Variants in ZNF717 observed in about 807,000 individuals in gnomAD.
ZNF717 encodes krueppel-like factor X17.
Under a neutral mutation model 13.8 loss-of-function variants are expected in ZNF717, and 9 were observed. That is an observed-to-expected ratio of 0.65 (90% CI 0.39 to 1.14). The LOEUF is 1.14. Among genes scored for constraint, ZNF717 ranks in the 50% most tolerant of loss-of-function variants. ZNF717 has a pLI of 0.01. For missense variants in ZNF717, 1,040 were observed against 1,080.7 expected (o/e 0.96, Z 0.53); for synonymous variants, 327 against 364.1 (o/e 0.90, Z 1.16).
intron 6 of ZNF717, among the ~76,000 whole-genome samples, chr3:75,695,545 A>G (rs1227082145): frequency 1.3e-5 from 2 of 152,304 alleles, no homozygotes; most frequent in Non-Finnish European, 2.9e-5. Flanking sequence ...TCCTCAGCAC[A>G]TGGGTTATTC....
At chr3:75,733,533 C>T (rs1481336991), downstream of ZNF717, among the ~76,000 whole-genome samples, 3 of 152,074 alleles carry the variant, frequency 2.0e-5, no homozygotes, top group Admixed American at 1.3e-4. Context: ...AATCCCAGTA[C>T]TTTGGGAGGC....
exon 6 of ZNF717, chr3:75,730,608 A>G (rs1669377130): frequency 7.1e-6 from 5 of 702,354 alleles, no homozygotes; most frequent in Non-Finnish European, 1.3e-5. Context: ...AGTTCACAAG[A>G]GAGATCAAAC....
At chr3:75,699,596 T>G (rs1937645683) in intron 6 of ZNF717, among the ~76,000 whole-genome samples, 2 of 152,380 alleles carry the variant, frequency 1.3e-5, no homozygotes, top group African/African-American at 4.8e-5. Flanking sequence ...AAGCACCAGA[T>G]TTATTTTTCA....
chr3:75,769,751 T>C (rs1559672117), intron 2 of ZNF717, among the ~76,000 whole-genome samples: 1 of 152,252 alleles, frequency 6.6e-6, no homozygotes, highest in Non-Finnish European at 1.5e-5. Flanking sequence ...AGAAATCAAC[T>C]AGTTTTAGTC....
At chr3:75,733,960 A>G (rs1370150985), downstream of ZNF717, among the ~76,000 whole-genome samples, 11 of 151,164 alleles carry the variant, frequency 7.3e-5, no homozygotes, top group Non-Finnish European at 1.6e-4. Flanking sequence ...TGGACAAACA[A>G]AAGTTGAGGA....
chr3:75,735,635 TAAA>T (rs149366090), downstream of ZNF717, among the ~76,000 whole-genome samples: 42 of 79,834 alleles, frequency 5.3e-4, no homozygotes, highest in African/African-American at 2.2e-3. Context: ...ACTGTCTCAA[TAAA>T]AAAAAAAAAA....
downstream of ZNF717, among the ~76,000 whole-genome samples, chr3:75,734,779 A>G (rs1479635710): frequency 1.4e-5 from 2 of 145,968 alleles, no homozygotes; most frequent in Non-Finnish European, 3.0e-5. Context: ...TTTGTATATA[A>G]TAACAATGTA....
intron 2 of ZNF717, among the ~76,000 whole-genome samples, chr3:75,760,840 AG>A (rs1243771299): frequency 1.3e-5 from 2 of 151,990 alleles, no homozygotes; most frequent in Admixed American, 6.6e-5. Flanking sequence ...GAAAAAAGAA[AG>A]GAAAAAAAAA....
chr3:75,783,500 G>C, intron 1 of ZNF717, 136 bp from the exon 2 acceptor site: 1 of 632,100 alleles, frequency 1.6e-6, no homozygotes, highest in Non-Finnish European at 2.8e-6. Flanking sequence ...TTCCCCATGG[G>C]AGAAGAGTCC....
At chr3:75,744,939 AAATT>A (rs1940977473) in intron 2 of ZNF717, among the ~76,000 whole-genome samples, 2 of 152,142 alleles carry the variant, frequency 1.3e-5, no homozygotes, top group Admixed American at 1.3e-4. Flanking sequence ...CCAAGGTGGA[AAATT>A]AATTAAACAG....
chr3:75,783,872 A>G (rs553500804), intron 1 of ZNF717, among the ~76,000 whole-genome samples: 8 of 152,294 alleles, frequency 5.3e-5, no homozygotes, highest in Admixed American at 4.6e-4. Flanking sequence ...ACTTTTTTTT[A>G]AATGTACATA....
intron 2 of ZNF717, among the ~76,000 whole-genome samples, chr3:75,754,641 T>A (rs1237656104): frequency 1.3e-5 from 2 of 152,140 alleles, no homozygotes; most frequent in Non-Finnish European, 1.5e-5. Context: ...TGAGGATTTA[T>A]CAACAGAAAC....
intron 2 of ZNF717, among the ~76,000 whole-genome samples, chr3:75,767,234 G>A (rs1037377198): frequency 6.6e-6 from 1 of 152,212 alleles, no homozygotes; most frequent in Admixed American, 6.5e-5. Flanking sequence ...TGAGCCTCCA[G>A]CAACACCCAC....
At chr3:75,755,207 T>C (rs1366430488) in intron 2 of ZNF717, among the ~76,000 whole-genome samples, 1 of 152,218 alleles carries the variant, frequency 6.6e-6, no homozygotes, top group Non-Finnish European at 1.5e-5. Context: ...TGAAATTCTT[T>C]AGAGGGAAAC....
At chr3:75,713,015 G>A (rs1575717095) in intron 5 of ZNF717, among the ~76,000 whole-genome samples, 1 of 151,988 alleles carries the variant, frequency 6.6e-6, no homozygotes, top group Admixed American at 6.6e-5. Flanking sequence ...GGGAGGCTGA[G>A]GCAGGAGGAT....
chr3:75,781,420 T>C (rs1320494001), intron 2 of ZNF717, among the ~76,000 whole-genome samples: 1 of 152,176 alleles, frequency 6.6e-6, no homozygotes, highest in Non-Finnish European at 1.5e-5. Flanking sequence ...GACTCTCCGA[T>C]TCATGAATCG....
intron 2 of ZNF717, among the ~76,000 whole-genome samples, chr3:75,747,815 A>G (rs1559622198): frequency 2.0e-5 from 3 of 152,274 alleles, no homozygotes; most frequent in Non-Finnish European, 4.4e-5. Flanking sequence ...AACAGGGACA[A>G]TTTGACTTCC....
downstream of ZNF717, among the ~76,000 whole-genome samples, chr3:75,725,148 G>A (rs1308239182): frequency 6.6e-6 from 1 of 151,884 alleles, no homozygotes; most frequent in Non-Finnish European, 1.5e-5. Context: ...CCTCGACTCA[G>A]TGAAACCCTC....
chr3:75,761,615 GT>G (rs768434360), intron 2 of ZNF717, among the ~76,000 whole-genome samples: 1 of 152,260 alleles, frequency 6.6e-6, no homozygotes, highest in African/African-American at 2.4e-5. Context: ...AGGATGTAAT[GT>G]GTAAAAATCC....
Sources: gnomAD v4.1 joint callset for allele counts (sites outside exome capture counted in the v4.1 genomes callset) on GRCh38, gnomAD v4.1.1 for gene constraint, MANE v1.5 for transcripts, NCBI Gene and HGNC (gene_info 2026-07-23, HGNC 2026-07-21) for gene names.